MICAL3: variants seen among roughly 807,000 people sequenced by gnomAD.
MICAL3 encodes [F-actin]-monooxygenase MICAL3.
Under a neutral mutation model 207.4 loss-of-function variants are expected in MICAL3, and 62 were observed. That is an observed-to-expected ratio of 0.30 (90% CI 0.24 to 0.37). MICAL3 has a LOEUF of 0.37. MICAL3 is among the 10% of genes least tolerant of loss of function. The pLI is 1.00. For missense variants in MICAL3, 2,368 were observed against 2,635.6 expected (o/e 0.90, Z 2.22); for synonymous variants, 1,077 against 1,069.3 (o/e 1.01, Z -0.14).
At chr22:17,934,302 C>G (rs1316670660) in intron 1 of MICAL3, among the ~76,000 whole-genome samples, 1 of 152,196 alleles carries the variant, frequency 6.6e-6, no homozygotes, top group East Asian at 1.9e-4. Flanking sequence ...GCTGGTTCAA[C>G]ATATGCAAAT....
chr22:17,904,584 C>T (rs765717360), intron 3 of MICAL3, 48 bp downstream of exon 3: 18 of 1,385,194 alleles, frequency 1.3e-5, no homozygotes, highest in African/African-American at 7.1e-5. Flanking sequence ...ACTGAACAAG[C>T]GTGCAAGGGG....
At chr22:18,007,858 G>C (rs1923492518) in intron 1 of MICAL3, among the ~76,000 whole-genome samples, 1 of 136,642 alleles carries the variant, frequency 7.3e-6, no homozygotes, top group Admixed American at 8.4e-5. Context: ...GGGGGGTGGA[G>C]CTTGCAGTGA....
chr22:18,008,308 T>G (rs1316342431), intron 1 of MICAL3, among the ~76,000 whole-genome samples: 1 of 152,182 alleles, frequency 6.6e-6, no homozygotes, highest in African/African-American at 2.4e-5. Flanking sequence ...AGCACACCCG[T>G]GACTGCCACC....
At chr22:17,853,015 C>T (rs1233258937) in intron 19 of MICAL3, among the ~76,000 whole-genome samples, 1 of 150,480 alleles carries the variant, frequency 6.6e-6, no homozygotes, top group African/African-American at 2.5e-5. Context: ...ATGGAGGCTG[C>T]AGTGAGCCAA....
At position 17,887,195 on chromosome 22, in the gene MICAL3, C is replaced by T. The variant is rs745383529; in HGVS notation, c.2042G>A (p.Arg681Lys). The change falls in exon 15 of 32, where the codon AGG becomes AAG. Residue 681 changes from arginine to lysine, a missense_variant. This residue lies in a region of MICAL3 where 1,770 missense variants were observed against 1,863.2 expected (regional missense o/e 0.95). Transcript: ENST00000441493. ...KEKDLDGAGK[R>K]RKTSQSEEEE... ...CTCCTCTGATTGACTGGTCTTTCTC[C>T]TCTTCCCAGCACCATCCAAGTCCTT... 4 of 1,613,732 alleles carry T rather than the reference C, an allele frequency of 2.5e-6. No homozygotes were observed. The highest frequency in any genetic ancestry group is 1.7e-6 in the Non-Finnish European group (2 of 1,179,810).
rs774785225 is a variant in MICAL3 at position 17,895,270 on chromosome 22, C to T, written c.1449+14G>A. 2 of 1,612,534 alleles carry T rather than the reference C, an allele frequency of 1.2e-6. No individual in the cohort carries two copies. Among genetic ancestry groups the T allele is most frequent in the Admixed American group, 3.3e-5 (2 of 59,888 alleles). Reference sequence around the variant, plus strand: ...AGATGGGCCCAGATGTAAATACTGACAAGAAGGTCTTACCTGGCTTGGCCG... The same window carrying T: ...AGATGGGCCCAGATGTAAATACTGATAAGAAGGTCTTACCTGGCTTGGCCG... On this transcript the variant is annotated intron_variant, in intron 10 of 31. Coordinates refer to ENST00000441493, the MANE Select transcript of MICAL3 (RefSeq NM_015241.3).
intron 1 of MICAL3, among the ~76,000 whole-genome samples, chr22:17,907,241 C>T (rs958750946): frequency 2.0e-5 from 3 of 151,816 alleles, no homozygotes; most frequent in African/African-American, 7.3e-5. Flanking sequence ...CCACTGAAGG[C>T]GAGCCTCTGA....
chr22:17,959,095 A>G (rs948562950), intron 1 of MICAL3, among the ~76,000 whole-genome samples: 3 of 140,782 alleles, frequency 2.1e-5, no homozygotes, highest in African/African-American at 8.1e-5. Flanking sequence ...GGCTCACTAC[A>G]AGCTCCGCCT....
chr22:17,925,450 G>A (rs888373060), intron 1 of MICAL3, among the ~76,000 whole-genome samples: 1 of 152,178 alleles, frequency 6.6e-6, no homozygotes, highest in African/African-American at 2.4e-5. Flanking sequence ...CCCTGGAGGG[G>A]ATATTTAATA....
In MICAL3 at chr22:17,995,470, T is replaced by C. The variant is rs528521791; in HGVS notation, c.-75+28811A>G. ...GTGCTGGGATTACAGACGTGAGACA[T>C]TGCACCCAGCCTTTTCTTTAATTTT... On this transcript the variant is annotated intron_variant, in intron 1 of 31. Transcript: ENST00000441493. Among the ~76,000 whole-genome samples, 20 of 150,744 alleles carry C rather than the reference T, an allele frequency of 1.3e-4. No individual in the cohort carries two copies. In the South Asian group the frequency reaches 2.9e-3, roughly 22 times the overall value.
At chr22:17,944,114 G>T (rs1295445514) in intron 1 of MICAL3, among the ~76,000 whole-genome samples, 1 of 133,304 alleles carries the variant, frequency 7.5e-6, no homozygotes, top group East Asian at 1.9e-4. Flanking sequence ...CTGAGTGCAT[G>T]TGTGTGTGTG....
intron 1 of MICAL3, among the ~76,000 whole-genome samples, chr22:17,910,129 C>A (rs1466519205): frequency 6.6e-6 from 1 of 152,190 alleles, no homozygotes; most frequent in Non-Finnish European, 1.5e-5. Flanking sequence ...GGATTCAGAG[C>A]ACTCAGAACC....
At chr22:17,814,473 T>TA (rs1601953827) in intron 27 of MICAL3, 2 of 152,242 alleles carry the variant, frequency 1.3e-5, no homozygotes, top group Admixed American at 1.3e-4. Context: ...GCAAGGAACT[T>TA]AACAATTTGA....
chr22:17,899,438 C>T lies in MICAL3; in HGVS notation c.948+10G>A, dbSNP rs1157847295. ...ATAAGAAAGAGTTTTGAAGGAAATC[C>T]GTGGCTCACATGTAGTATCACTCCT... is the stretch of plus-strand genomic sequence containing the variant. On this transcript the variant is annotated intron_variant, in intron 7 of 31. Coordinates refer to ENST00000441493, the MANE Select transcript of MICAL3 (RefSeq NM_015241.3). 9.6e-6 allele frequency: 15 copies of T among 1,558,666 alleles called. No individual in the cohort carries two copies. Among genetic ancestry groups the T allele is most frequent in the South Asian group, 2.3e-5 (2 of 87,646 alleles).
chr22:17,812,064 A>G (rs2145993179), intron 27 of MICAL3, among the ~76,000 whole-genome samples: 1 of 152,340 alleles, frequency 6.6e-6, no homozygotes. Context: ...GAAAACTTTT[A>G]TAGACTTCAA....
At position 17,860,935 on chromosome 22, in the gene MICAL3, T is replaced by G. The variant is rs909384222; in HGVS notation, c.2605+3964A>C. On this transcript the variant is annotated intron_variant, in intron 19 of 31. Transcript: ENST00000441493. ...TCACAATTATTATAATTACTATAAT[T>G]TAGGGTGCAACATATAAATAAATAT... 27 of 984,836 alleles carry G rather than the reference T, an allele frequency of 2.7e-5. No homozygotes were observed. The Admixed American group carries it at 3.7e-4, about 13-fold the overall frequency. The allele number at this position is 984,836 out of a possible 1,614,324, so 61.0% of individuals were successfully genotyped here.
Position 17,839,258 on chromosome 22 carries a change from ATTTTT to A in MICAL3, c.2801+2559_2801+2563del, listed in dbSNP as rs58568915. Reference sequence around the variant, plus strand: ...GCTACCGCACCAGGCCGGGCTCTTCATTTTTTTTTTTTTTTTTGAGACGAAGTCTC... The same window carrying A: ...GCTACCGCACCAGGCCGGGCTCTTCATTTTTTTTTTTTGAGACGAAGTCTC... On this transcript the variant is annotated intron_variant, in intron 20 of 31. Transcript: ENST00000441493. Among the ~76,000 whole-genome samples, 29 of 110,386 alleles carry A rather than the reference ATTTTT, an allele frequency of 2.6e-4. No homozygotes were observed. The East Asian group carries it at 5.5e-3, about 21-fold the overall frequency. The allele number at this position is 110,386 out of a possible 152,430, so 72.4% of individuals were successfully genotyped here.
intron 1 of MICAL3, among the ~76,000 whole-genome samples, chr22:17,951,946 C>T (rs1181144908): frequency 6.6e-6 from 1 of 152,174 alleles, no homozygotes. Flanking sequence ...ATCCGCCCGC[C>T]TCGGCCTCCC....
chr22:17,972,134 T>C (rs1935440991), intron 1 of MICAL3, among the ~76,000 whole-genome samples: 1 of 152,226 alleles, frequency 6.6e-6, no homozygotes, highest in South Asian at 2.1e-4. Context: ...TACAAACCAG[T>C]GGCTATTTAA....
Sources: allele counts gnomAD v4.1 joint callset (sites outside exome capture counted in the v4.1 genomes callset), GRCh38; gene constraint gnomAD v4.1.1; regional missense constraint gnomAD v4.1.1; transcripts MANE v1.5; gene names NCBI Gene and HGNC (gene_info 2026-07-23, HGNC 2026-07-21).